Variants in GSK3A observed in about 807,000 individuals in gnomAD.
The protein encoded by GSK3A is glycogen synthase kinase-3 alpha.
GSK3A carries 14 observed loss-of-function variants against 56.6 expected under a neutral mutation model. The observed-to-expected ratio is 0.25, with a 90% CI of 0.16 to 0.39. The LOEUF is 0.39. Ranked by LOEUF, GSK3A falls within the 10% of genes least tolerant of loss-of-function variation. GSK3A has a pLI of 1.00. For missense variants in GSK3A, 450 were observed against 656.0 expected (o/e 0.69, Z 3.43); for synonymous variants, 301 against 285.0 (o/e 1.06, Z -0.56).
chr19:42,238,493 G>A (rs1022737014), intron 2 of GSK3A, among the ~76,000 whole-genome samples: 1 of 150,860 alleles, frequency 6.6e-6, no homozygotes, highest in African/African-American at 2.4e-5. Flanking sequence ...TGTAGTCCCA[G>A]CTACTAGGGA....
At chr19:42,233,226 C>A in intron 7 of GSK3A, 21 bp from the exon 8 acceptor site, 2 of 1,597,236 alleles carry the variant, frequency 1.3e-6, no homozygotes, top group Non-Finnish European at 8.6e-7. Flanking sequence ...AGGGAGGGGT[C>A]TGAGACAAGG....
rs950246062 is a variant in GSK3A at position 42,232,278 on chromosome 19, G to A, written c.1286-129C>T. 6.7e-6 allele frequency: 5 copies of A among 741,656 alleles called. No homozygotes were observed. The African/African-American group carries it at 7.2e-5, about 11-fold the overall frequency. 45.9% of individuals were successfully genotyped at this position (741,656 alleles called of 1,614,324 possible). Reference sequence around the variant, plus strand: ...CCTTCAGCCACAGACCTCTCTCAATGAAAAACCAGAAAAAGCTTAGCACAA... The same window carrying A: ...CCTTCAGCCACAGACCTCTCTCAATAAAAAACCAGAAAAAGCTTAGCACAA... On this transcript the variant is annotated intron_variant, in intron 9 of 10. Transcript: ENST00000222330.
chr19:42,234,587 T>A lies in GSK3A; in HGVS notation c.758A>T (p.Asp253Val), dbSNP rs1176260955. Residue 253 changes from aspartate to valine, a missense_variant, in exon 5 of 11, where the codon GAC becomes GTC. This residue lies in a region of GSK3A where 144 missense variants were observed against 308.0 expected (regional missense o/e 0.47). Coordinates refer to ENST00000222330, the MANE Select transcript of GSK3A (RefSeq NM_019884.3). This position sits in a 1 kb window ranked among gnomAD's most constrained non-coding sequence, Gnocchi z 5.7. ...RDIKPQNLLV[D>V]PDTAVLKLCD... Reference sequence around the variant, plus strand: ...GAGCTTGAGGACAGCAGTGTCAGGGTCCACCAGCAGGTTCTGGGGCTTGAT... The same window carrying A: ...GAGCTTGAGGACAGCAGTGTCAGGGACCACCAGCAGGTTCTGGGGCTTGAT... The A allele has an allele frequency of 6.2e-7, 1 of 1,613,836 alleles. No individual in the cohort carries two copies. The highest frequency in any genetic ancestry group is 8.5e-7 in the Non-Finnish European group (1 of 1,179,940).
chr19:42,233,285 C>T lies in GSK3A; in HGVS notation c.1002+1G>A. On this transcript the variant is annotated splice_donor_variant, in intron 7 of 10. Transcript: ENST00000222330. LOFTEE classifies it high-confidence loss of function. ...CTGCCCAGCCCAGCCCCGCCCCTCA[C>T]CTTGATGATCTCCACCAGCTGGTCC... The T allele has an allele frequency of 6.7e-7, 1 of 1,497,242 alleles. No homozygotes were observed. The highest frequency in any genetic ancestry group is 9.2e-7 in the Non-Finnish European group (1 of 1,085,932). The allele number at this position is 1,497,242 out of a possible 1,614,324, so 92.7% of individuals were successfully genotyped here. A position where few individuals can be genotyped will look rare whatever the true frequency, so the allele number is the denominator to read the frequency against.
Position 42,234,524 on chromosome 19 carries a change from C to T in GSK3A, c.797+24G>A. Reference sequence around the variant, plus strand: ...GTTGGGGTCCCCCCTGCCTCTTCAGCCACCCAACATGCCCCAGGCCCACCT... The same window carrying T: ...GTTGGGGTCCCCCCTGCCTCTTCAGTCACCCAACATGCCCCAGGCCCACCT... On this transcript the variant is annotated intron_variant, in intron 5 of 10. Coordinates refer to ENST00000222330, the MANE Select transcript of GSK3A (RefSeq NM_019884.3). The surrounding 1 kb of genome is among the most constrained non-coding windows in gnomAD (Gnocchi z 5.7). The T allele has an allele frequency of 6.2e-7, 1 of 1,612,360 alleles. No homozygotes were observed. Among genetic ancestry groups the T allele is most frequent in the Non-Finnish European group, 8.5e-7 (1 of 1,178,532 alleles).
rs376056855 is a variant in GSK3A at position 42,242,144 on chromosome 19, C to T, written c.283+39G>A. On this transcript the variant is annotated intron_variant, in intron 1 of 10. Coordinates refer to ENST00000222330, the MANE Select transcript of GSK3A (RefSeq NM_019884.3). Reference sequence around the variant, plus strand: ...ATGGATGTCTGAGGAGCTTTGGGAACCCTAATCACCACCCTACACGGGCGC... The same window carrying T: ...ATGGATGTCTGAGGAGCTTTGGGAATCCTAATCACCACCCTACACGGGCGC... The T allele has an allele frequency of 1.9e-5, 25 of 1,312,954 alleles. No individual in the cohort carries two copies. The East Asian group carries it at 4.6e-4, about 24-fold the overall frequency. The allele number at this position is 1,312,954 out of a possible 1,614,324, so 81.3% of individuals were successfully genotyped here. A position where few individuals can be genotyped will look rare whatever the true frequency, so the allele number is the denominator to read the frequency against.
Position 42,242,523 on chromosome 19 carries a change from CGCCGCT to C in GSK3A, c.-64_-59del. 9.9e-7 allele frequency: 1 copy of C among 1,009,284 alleles called. No homozygotes were observed. The highest frequency in any genetic ancestry group is 1.2e-6 in the Non-Finnish European group (1 of 842,194). The allele number at this position is 1,009,284 out of a possible 1,614,324, so 62.5% of individuals were successfully genotyped here. ...GGGCTGCCCGGGCTGCCCCAGCCGC[CGCCGCT>C]GCCGCCGCCTCCCCCGGGCCCTGGC... On this transcript the variant is annotated 5_prime_UTR_variant, in exon 1 of 11. Transcript: ENST00000222330.
chr19:42,236,711 G>C lies in GSK3A; in HGVS notation c.561C>G (p.Asp187Glu). Reference sequence around the variant, plus strand: ...CCAGCACCAGATTTAGGTAAAGCTCGTCTTTCTGCAGGGAGCAAAGGAGAG... The same window carrying C: ...CCAGCACCAGATTTAGGTAAAGCTCCTCTTTCTGCAGGGAGCAAAGGAGAG... ...YFFYSSGEKKDELYLNLVLEY... is the reference protein window; with the variant it reads ...YFFYSSGEKKEELYLNLVLEY... Residue 187 changes from aspartate (D) to glutamate (E), a missense_variant, in exon 4 of 11, where the codon GAC becomes GAG. By Grantham distance (45) the Asp-to-Glu change is conservative. Coordinates refer to ENST00000222330, the MANE Select transcript of GSK3A (RefSeq NM_019884.3). The C allele has an allele frequency of 6.2e-7, 1 of 1,612,136 alleles. No homozygotes were observed. The highest frequency in any genetic ancestry group is 1.1e-5 in the South Asian group (1 of 91,022).
In GSK3A at chr19:42,232,691, T is replaced by C; in HGVS notation, c.1099-9A>G. 2 of 1,568,032 alleles carry C rather than the reference T, an allele frequency of 1.3e-6. No individual in the cohort carries two copies. The highest frequency in any genetic ancestry group is 1.7e-6 in the Non-Finnish European group (2 of 1,153,644). On this transcript the variant is annotated splice_polypyrimidine_tract_variant and intron_variant, in intron 8 of 10. Coordinates refer to ENST00000222330, the MANE Select transcript of GSK3A (RefSeq NM_019884.3). The stretch of plus-strand genomic sequence containing the variant: ...GTTCGAGATTTGAACACCTGAGGGA[T>C]GGGTGCAGGGCTCATGAGGGTGAGA...
intron 7 of GSK3A, 36 bp downstream of exon 7, chr19:42,233,250 G>GCCCCCCCCCCC: frequency 6.4e-7 from 1 of 1,565,006 alleles, no homozygotes; most frequent in Non-Finnish European, 8.8e-7. Flanking sequence ...CCATCCCTCA[G>GCCCCCCCCCCC]CCCCACCCCC....
At chr19:42,237,453 G>A (rs1365143972) in intron 2 of GSK3A, among the ~76,000 whole-genome samples, 1 of 151,784 alleles carries the variant, frequency 6.6e-6, no homozygotes, top group East Asian at 1.9e-4. Flanking sequence ...CTCCCAAAGT[G>A]CTGGGATTAC....
chr19:42,239,933 GT>G, intron 2 of GSK3A, 21 bp downstream of exon 2: 3 of 1,607,214 alleles, frequency 1.9e-6, no homozygotes, highest in Non-Finnish European at 2.6e-6. Flanking sequence ...AAACCTCCCT[GT>G]CCCCATCCCG....
intron 8 of GSK3A, 126 bp downstream of exon 8, chr19:42,232,984 T>C (rs111707960): frequency 0.045 from 30,593 of 687,418 alleles, 893 homozygotes; most frequent in Non-Finnish European, 0.058. Context: ...ATGGATGTTA[T>C]TGATCCCTGG....
intron 2 of GSK3A, among the ~76,000 whole-genome samples, chr19:42,237,999 G>T (rs1052448113): frequency 7.2e-5 from 11 of 151,770 alleles, no homozygotes; most frequent in Non-Finnish European, 1.5e-4. Context: ...CCTGCCTCGG[G>T]CTCTCCAAGT....
In GSK3A at chr19:42,240,136, C is replaced by T; in HGVS notation, c.290G>A (p.Ser97Asn). ...GGCTACGACTGTGGTCACCTTCCCGCTGTCACCTGGGGAACAAAGGGGATA... is the reference window on the plus strand; with the variant it reads ...GGCTACGACTGTGGTCACCTTCCCGTTGTCACCTGGGGAACAAAGGGGATA... ...PPPGVKLGRD[S>N]GKVTTVVATL... The change falls in exon 2 of 11, where the codon AGC (serine) becomes AAC (asparagine). Residue 97 changes from serine (S) to asparagine (N), a missense_variant. Coordinates refer to ENST00000222330, the MANE Select transcript of GSK3A (RefSeq NM_019884.3). The T allele has an allele frequency of 6.2e-7, 1 of 1,614,074 alleles. No homozygotes were observed. The highest frequency in any genetic ancestry group is 8.5e-7 in the Non-Finnish European group (1 of 1,179,900).
intron 6 of GSK3A, 42 bp from the exon 7 acceptor site, chr19:42,233,425 GCCA>G (rs2036237609): frequency 1.6e-6 from 2 of 1,269,666 alleles, no homozygotes; most frequent in African/African-American, 1.5e-5. Flanking sequence ...GGCGAGTAGG[GCCA>G]CCAACCTCCC....
intron 1 of GSK3A, 178 bp from the exon 2 acceptor site, chr19:42,240,320 C>T (rs2036283774): frequency 6.4e-6 from 4 of 622,038 alleles, no homozygotes; most frequent in South Asian, 1.9e-5. Flanking sequence ...TTCCCCTCTT[C>T]CTTTCTGGGA....
At chr19:42,238,026 T>G (rs2036268859) in intron 2 of GSK3A, among the ~76,000 whole-genome samples, 1 of 151,868 alleles carries the variant, frequency 6.6e-6, no homozygotes, top group South Asian at 2.1e-4. Flanking sequence ...ATTACAGGCA[T>G]GAGCTACCAT....
At chr19:42,232,242 GT>G in intron 9 of GSK3A, 93 bp from the exon 10 acceptor site, 1 of 817,494 alleles carries the variant, frequency 1.2e-6, no homozygotes, top group Non-Finnish European at 2.0e-6. Context: ...AAGGCCAGTT[GT>G]TTGTGGACAC....
Sources: gnomAD v4.1 joint callset for allele counts (sites outside exome capture counted in the v4.1 genomes callset) on GRCh38, gnomAD v4.1.1 for gene constraint, gnomAD v4.1.1 regional missense constraint, Gnocchi (gnomAD v3.1) non-coding constraint, MANE v1.5 for transcripts, NCBI Gene and HGNC (gene_info 2026-07-23, HGNC 2026-07-21) for gene names.